The following PPP2R2C variants were observed in gnomAD, a reference collection of about 807,000 sequenced individuals.
PPP2R2C encodes the protein protein phosphatase 2 regulatory subunit Bgamma.
In PPP2R2C, 10 loss-of-function variants were observed where a neutral mutation model predicts 45.3. The ratio of observed to expected loss-of-function variants is 0.22; its 90% CI spans 0.14 to 0.37. The LOEUF (loss-of-function observed/expected upper bound fraction) is 0.37. PPP2R2C is among the 10% of genes least tolerant of loss of function. The pLI is 1.00. For missense variants in PPP2R2C, 308 were observed against 619.7 expected (o/e 0.50, Z 5.34); for synonymous variants, 257 against 245.4 (o/e 1.05, Z -0.44).
intron 2 of PPP2R2C, among the ~76,000 whole-genome samples, chr4:6,510,912 G>T (rs1265901021): frequency 6.7e-6 from 1 of 149,186 alleles, no homozygotes; most frequent in Non-Finnish European, 1.5e-5. Context: ...GGGAGGCAAA[G>T]GTTGCAGTGA....
rs73795988 is a variant in PPP2R2C, at chr4:6,348,622, C to G, written c.626-612G>C. The G allele has an allele frequency of 8.1e-4, 798 of 984,580 alleles. 4 individuals carry two copies. The African/African-American group carries it at 0.013, about 16-fold the overall frequency. 61.0% of individuals were successfully genotyped at this position (984,580 alleles called of 1,614,324 possible). ...GGCCCCACCTCGGCTCTGATCTGTG[C>G]TCTCCAGACCCCAGGACTTGGAATA... On this transcript the variant is annotated intron_variant, in intron 5 of 8. Transcript: ENST00000382599.
rs182128222 is a variant in PPP2R2C, at chr4:6,378,137, G to A, written c.334+270C>T. Among the ~76,000 whole-genome samples, 1,149 of 151,956 alleles carry A rather than the reference G, an allele frequency of 7.6e-3. 20 individuals are homozygous for A. The highest frequency in any genetic ancestry group is 0.026 in the African/African-American group (1,092 of 41,400). ...AGGGGGCAGCCCTGTGTCTGGCCATGGGGAGCTTCTGAGAGGGTCTGGCAT... is the reference window on the plus strand; with the variant it reads ...AGGGGGCAGCCCTGTGTCTGGCCATAGGGAGCTTCTGAGAGGGTCTGGCAT... On this transcript the variant is annotated intron_variant, in intron 3 of 8. Coordinates refer to ENST00000382599, the MANE Select transcript of PPP2R2C (RefSeq NM_020416.4). The surrounding 1 kb of genome is among the most constrained non-coding windows in gnomAD (Gnocchi z 5.2).
intron 2 of PPP2R2C, among the ~76,000 whole-genome samples, chr4:6,498,798 AGGAC>A (rs1455898743): frequency 2.0e-5 from 3 of 152,176 alleles, no homozygotes; most frequent in Non-Finnish European, 4.4e-5. Context: ...AATGGGGAAA[AGGAC>A]TCTTCTCAAG....
intron 4 of PPP2R2C, among the ~76,000 whole-genome samples, chr4:6,375,136 A>AG (rs1462010339): frequency 2.6e-5 from 4 of 152,162 alleles, no homozygotes; most frequent in African/African-American, 9.7e-5. Context: ...GGGGTGGGGC[A>AG]GGGGGCACCA....
At chr4:6,513,778 G>C (rs1723747381) in intron 2 of PPP2R2C, among the ~76,000 whole-genome samples, 1 of 152,228 alleles carries the variant, frequency 6.6e-6, no homozygotes, top group Non-Finnish European at 1.5e-5. Flanking sequence ...AGAAGGGGTG[G>C]TGGGCAGGCC....
In PPP2R2C at chr4:6,472,273, A is replaced by G. The variant is rs1347678217; in HGVS notation, c.-44T>C. 1.9e-6 allele frequency: 3 copies of G among 1,609,888 alleles called. No homozygotes were observed. The highest frequency in any genetic ancestry group is 2.5e-6 in the Non-Finnish European group (3 of 1,178,060). On this transcript the variant is annotated 5_prime_UTR_variant, in exon 1 of 9. Transcript: ENST00000382599. ...CTCTGGGCATGCCCCGCCGCCACAC[A>G]CCGATGCAATCCGCAGAGGTCGCGC...
intron 6 of PPP2R2C, among the ~76,000 whole-genome samples, chr4:6,335,028 C>G (rs1377308910): frequency 6.6e-6 from 1 of 152,220 alleles, no homozygotes; most frequent in Non-Finnish European, 1.5e-5. Flanking sequence ...CAACTCCTGT[C>G]CAGCTCCCCT....
Position 6,325,831 on chromosome 4 carries a change from C to T in PPP2R2C, c.1053-2238G>A, listed in dbSNP as rs74757869. Among the ~76,000 whole-genome samples the T allele has an allele frequency of 8.1e-3, 1,227 of 152,338 alleles. 23 individuals are homozygous for T. Among genetic ancestry groups the T allele is most frequent in the African/African-American group, 0.028 (1,184 of 41,582 alleles). ...CTAGCCTCATCTGCATGTGGGACCACAACGCCGGCTGCTTTCAGCCCCAGT... is the reference window on the plus strand; with the variant it reads ...CTAGCCTCATCTGCATGTGGGACCATAACGCCGGCTGCTTTCAGCCCCAGT... On this transcript the variant is annotated intron_variant, in intron 8 of 8. Coordinates refer to ENST00000382599, the MANE Select transcript of PPP2R2C (RefSeq NM_020416.4).
At chr4:6,383,160 C>T (rs945110358) in intron 1 of PPP2R2C, 51 of 1,170,724 alleles carry the variant, frequency 4.4e-5, no homozygotes, top group Non-Finnish European at 5.4e-5. Flanking sequence ...ACGCCTCTGG[C>T]GGTACCAGGA....
chr4:6,464,135 T>G (rs1721472025), intron 1 of PPP2R2C, among the ~76,000 whole-genome samples: 1 of 152,136 alleles, frequency 6.6e-6, no homozygotes, highest in South Asian at 2.1e-4. Flanking sequence ...ATACACAACA[T>G]CAGGTCTGGG....
chr4:6,549,328 C>T (rs924656768), intron 1 of PPP2R2C, among the ~76,000 whole-genome samples: 16 of 152,256 alleles, frequency 1.1e-4, no homozygotes, highest in African/African-American at 2.4e-4. Context: ...CCACAGAACA[C>T]GCCAGGCTCA....
rs542531652 is a variant in PPP2R2C at position 6,525,393 on chromosome 4, C to T, written c.49+9878G>A. ...GCACTCCAGCCTGGGCGACAGAGTG[C>T]GACCCCATCTCAAAATAAGTAAATA... On this transcript the variant is annotated intron_variant, in intron 2 of 9. Transcript: ENST00000506140. 5.3e-5 allele frequency among the ~76,000 whole-genome samples: 8 copies of T among 150,926 alleles called. 1 individual carries two copies. The highest frequency in any genetic ancestry group is 1.9e-4 in the African/African-American group (8 of 41,206).
At chr4:6,369,468 A>G (rs1714620686) in intron 5 of PPP2R2C, among the ~76,000 whole-genome samples, 1 of 152,262 alleles carries the variant, frequency 6.6e-6, no homozygotes, top group Admixed American at 6.5e-5. Context: ...GCAAAAATAA[A>G]GCAACTTGAC....
At chr4:6,500,883 C>T (rs886422747) in intron 2 of PPP2R2C, among the ~76,000 whole-genome samples, 3 of 152,222 alleles carry the variant, frequency 2.0e-5, no homozygotes, top group African/African-American at 4.8e-5. Flanking sequence ...AAAGCTGACA[C>T]GGGAAGAGTG....
chr4:6,472,281 A>T lies in PPP2R2C; in HGVS notation c.-52T>A. 1 of 1,607,756 alleles carries T rather than the reference A, an allele frequency of 6.2e-7. No individual in the cohort carries two copies. Among genetic ancestry groups the T allele is most frequent in the Non-Finnish European group, 8.5e-7 (1 of 1,176,976 alleles). ...ATGCCCCGCCGCCACACACCGATGC[A>T]ATCCGCAGAGGTCGCGCCGGGCGCG... On this transcript the variant is annotated 5_prime_UTR_variant, in exon 1 of 9. Transcript: ENST00000382599.
At chr4:6,563,763 A>C (rs1311850416), upstream of PPP2R2C, among the ~76,000 whole-genome samples, 1 of 127,776 alleles carries the variant, frequency 7.8e-6, no homozygotes, top group Non-Finnish European at 1.6e-5. The surrounding 1 kb of genome is among the most constrained non-coding windows in gnomAD (Gnocchi z 5.8). Flanking sequence ...GCGGCTCCGC[A>C]GGCTGCGACC....
At chr4:6,380,745 T>C (rs948530250) in intron 2 of PPP2R2C, among the ~76,000 whole-genome samples, 4 of 151,690 alleles carry the variant, frequency 2.6e-5, no homozygotes, top group Non-Finnish European at 4.4e-5. Flanking sequence ...CGCCCGCCAC[T>C]CCCACCTCGG....
rs548443188 is a variant in PPP2R2C, at chr4:6,370,514, A to C, written c.625+2009T>G. Among the ~76,000 whole-genome samples, 13 of 152,226 alleles carry C rather than the reference A, an allele frequency of 8.5e-5. No individual in the cohort carries two copies. The South Asian group carries it at 2.1e-3, about 24-fold the overall frequency. ...GTACAGGAGTCCGGCCTGGCCAATC[A>C]CAACAAGGCATTCACCCCCAATTAG... On this transcript the variant is annotated intron_variant, in intron 5 of 8. Coordinates refer to ENST00000382599, the MANE Select transcript of PPP2R2C (RefSeq NM_020416.4).
chr4:6,484,876 A>C (rs889002525), intron 2 of PPP2R2C, among the ~76,000 whole-genome samples: 6 of 151,884 alleles, frequency 4.0e-5, no homozygotes, highest in Non-Finnish European at 3.0e-5. Flanking sequence ...GTGAATAAAG[A>C]CAGTTTTACT....
Sources: allele counts gnomAD v4.1 joint callset (sites outside exome capture counted in the v4.1 genomes callset), GRCh38; gene constraint gnomAD v4.1.1; non-coding constraint Gnocchi (gnomAD v3.1); transcripts MANE v1.5; gene names NCBI Gene and HGNC (gene_info 2026-07-23, HGNC 2026-07-21).